The following FARS2 variants were observed in gnomAD, a reference collection of about 807,000 sequenced individuals.
FARS2 encodes phenylalanyl-tRNA synthetase 2, mitochondrial, also known as phenylalanine--tRNA ligase, mitochondrial.
FARS2 carries 40 observed loss-of-function variants against 46.4 expected under a neutral mutation model. That is an observed-to-expected ratio of 0.86 (90% CI 0.67 to 1.12). FARS2 has a LOEUF of 1.12. Among genes scored for constraint, FARS2 ranks in the 50% most tolerant of loss-of-function variants. The pLI is 0.00. For synonymous variants in FARS2, 234 were observed against 214.9 expected (o/e 1.09, Z -0.78); for missense variants, 513 against 567.9 (o/e 0.90, Z 0.98).
chr6:5,399,171 T>C (rs868485635), intron 2 of FARS2, among the ~76,000 whole-genome samples: 1,825 of 93,022 alleles, frequency 0.02, 54 homozygotes, highest in African/African-American at 0.071. Context: ...TTATTATTAT[T>C]ATTATCATCA....
rs549257114 is a variant in FARS2, at chr6:5,644,105, C to G, written c.1217+30785C>G. Among the ~76,000 whole-genome samples the G allele has an allele frequency of 1.2e-4, 18 of 152,322 alleles. No individual in the cohort carries two copies. In the East Asian group the frequency reaches 3.3e-3, roughly 28 times the overall value. On this transcript the variant is annotated intron_variant, in intron 6 of 6. Transcript: ENST00000274680. ...GGGGTGTCTTCATTTGTCATTAAGA[C>G]AGCAGATACTGCCACAGCACCATCA...
chr6:5,382,845 A>G (rs1024565369), intron 2 of FARS2, among the ~76,000 whole-genome samples: 2 of 152,232 alleles, frequency 1.3e-5, no homozygotes, highest in Non-Finnish European at 2.9e-5. Flanking sequence ...TTGGAGAAGC[A>G]GAAGAGCCAA....
chr6:5,411,994 G>C (rs1761963573), intron 3 of FARS2, among the ~76,000 whole-genome samples: 1 of 152,148 alleles, frequency 6.6e-6, no homozygotes, highest in Admixed American at 6.5e-5. Flanking sequence ...CAGTTTCTTT[G>C]CTAAACATTG....
intron 6 of FARS2, among the ~76,000 whole-genome samples, chr6:5,667,372 G>A (rs1185522435): frequency 4.6e-5 from 7 of 151,950 alleles, no homozygotes; most frequent in Non-Finnish European, 1.0e-4. Flanking sequence ...ACGAAAATTA[G>A]CCTGGTGTGG....
rs528771792 is a variant in FARS2 at position 5,660,067 on chromosome 6, T to C, written c.1217+46747T>C. ...GTGGGCCTAGCCTTGTGCTCCATGA[T>C]GGAGTTCAAAGAGAATGCCATCCAC... On this transcript the variant is annotated intron_variant, in intron 6 of 6. Transcript: ENST00000274680. 5.9e-5 allele frequency among the ~76,000 whole-genome samples: 9 copies of C among 152,322 alleles called. No homozygotes were observed. In the South Asian group the frequency reaches 1.9e-3, roughly 32 times the overall value.
At chr6:5,759,039 A>G (rs1393619177) in intron 6 of FARS2, among the ~76,000 whole-genome samples, 1 of 152,180 alleles carries the variant, frequency 6.6e-6, no homozygotes, top group Non-Finnish European at 1.5e-5. Context: ...ACTGAGCTTG[A>G]CGGGACATGC....
At chr6:5,715,432 A>T (rs1257664555) in intron 6 of FARS2, among the ~76,000 whole-genome samples, 1 of 151,930 alleles carries the variant, frequency 6.6e-6, no homozygotes. Flanking sequence ...GAAACCCAAG[A>T]CCCCTCAGCA....
At chr6:5,284,415 G>A (rs999580332) in intron 1 of FARS2, among the ~76,000 whole-genome samples, 18 of 152,142 alleles carry the variant, frequency 1.2e-4, no homozygotes, top group Non-Finnish European at 5.9e-5. Flanking sequence ...TCTTTCGATC[G>A]TAGGACAAGT....
At chr6:5,437,975 GT>G (rs1763621372) in intron 4 of FARS2, among the ~76,000 whole-genome samples, 1 of 151,888 alleles carries the variant, frequency 6.6e-6, no homozygotes, top group African/African-American at 2.4e-5. Flanking sequence ...GTTATTTTAT[GT>G]GAGAATGTTT....
intron 4 of FARS2, among the ~76,000 whole-genome samples, chr6:5,478,594 A>C (rs962912531): frequency 6.6e-6 from 1 of 152,206 alleles, no homozygotes; most frequent in African/African-American, 2.4e-5. Context: ...ATACATGTCC[A>C]GATGCCCAGG....
rs761531028 is a variant in FARS2 at position 5,727,738 on chromosome 6, G to A, written c.1218-43553G>A. 2.6e-5 allele frequency among the ~76,000 whole-genome samples: 4 copies of A among 152,190 alleles called. No homozygotes were observed. Among genetic ancestry groups the A allele is most frequent in the Non-Finnish European group, 5.9e-5 (4 of 68,032 alleles). The stretch of plus-strand genomic sequence containing the variant: ...TGCCACAGGGATCATATTTTCAGGT[G>A]CATTTTCTTCCAATGCACTCTGACA... On this transcript the variant is annotated intron_variant, in intron 6 of 6. Transcript: ENST00000274680. The surrounding 1 kb of genome is among the most constrained non-coding windows in gnomAD (Gnocchi z 4.1).
At chr6:5,755,200 T>C (rs1311614640) in intron 6 of FARS2, among the ~76,000 whole-genome samples, 3 of 152,236 alleles carry the variant, frequency 2.0e-5, no homozygotes, top group Non-Finnish European at 4.4e-5. Flanking sequence ...CATTTTTATG[T>C]AAGTCTTTTT....
chr6:5,349,342 G>C (rs751874625), intron 1 of FARS2, among the ~76,000 whole-genome samples: 3 of 152,156 alleles, frequency 2.0e-5, no homozygotes, highest in Non-Finnish European at 2.9e-5. Context: ...TAAATAAATG[G>C]AGAGACACGT....
At chr6:5,558,249 A>G (rs1582443532) in intron 5 of FARS2, among the ~76,000 whole-genome samples, 1 of 152,126 alleles carries the variant, frequency 6.6e-6, no homozygotes, top group Non-Finnish European at 1.5e-5. Context: ...CTCAGAGGGT[A>G]AGAGGAGCAC....
chr6:5,399,496 T>G (rs1343563145), intron 2 of FARS2, among the ~76,000 whole-genome samples: 1 of 152,088 alleles, frequency 6.6e-6, no homozygotes, highest in African/African-American at 2.4e-5. Flanking sequence ...GATAAAGTAT[T>G]AACGTCCTTC....
At chr6:5,494,055 A>G (rs566242358) in intron 4 of FARS2, among the ~76,000 whole-genome samples, 1 of 150,578 alleles carries the variant, frequency 6.6e-6, no homozygotes, top group Non-Finnish European at 1.5e-5. Flanking sequence ...TTGGGCCACT[A>G]TTGGGGCCTT....
chr6:5,670,565 G>T (rs1778401981), intron 6 of FARS2, among the ~76,000 whole-genome samples: 1 of 152,162 alleles, frequency 6.6e-6, no homozygotes, highest in African/African-American at 2.4e-5. Context: ...ATGAAATGTA[G>T]AATATCATAA....
At chr6:5,699,581 C>T (rs1025799702) in intron 6 of FARS2, among the ~76,000 whole-genome samples, 1 of 151,610 alleles carries the variant, frequency 6.6e-6, no homozygotes, top group African/African-American at 2.4e-5. Flanking sequence ...GATCTCGGCT[C>T]ACTGCAACCT....
At chr6:5,698,333 TGAGA>T (rs1427413517) in intron 6 of FARS2, among the ~76,000 whole-genome samples, 4 of 151,826 alleles carry the variant, frequency 2.6e-5, no homozygotes, top group Admixed American at 1.3e-4. Context: ...CAGGAGCAAG[TGAGA>T]GAGAGTAGGG....
Sources: allele counts gnomAD v4.1 joint callset (sites outside exome capture counted in the v4.1 genomes callset), GRCh38; gene constraint gnomAD v4.1.1; non-coding constraint Gnocchi (gnomAD v3.1); transcripts MANE v1.5; gene names NCBI Gene and HGNC (gene_info 2026-07-23, HGNC 2026-07-21).